The following PDE1C variants were observed in gnomAD, a reference collection of about 807,000 sequenced individuals.
PDE1C encodes the protein phosphodiesterase 1C.
A neutral mutation model predicts 93.1 loss-of-function variants in PDE1C; 62 were observed. That is an observed-to-expected ratio of 0.67 (90% CI 0.54 to 0.82). The LOEUF (loss-of-function observed/expected upper bound fraction) is 0.82. PDE1C is among the 40% of genes least tolerant of loss of function. PDE1C has a pLI of 0.00. For synonymous variants in PDE1C, 325 were observed against 310.1 expected (o/e 1.05, Z -0.50); for missense variants, 742 against 884.6 (o/e 0.84, Z 2.04).
At chr7:32,312,469 C>G (rs1408728019) in intron 1 of PDE1C, among the ~76,000 whole-genome samples, 1 of 152,188 alleles carries the variant, frequency 6.6e-6, no homozygotes, top group Non-Finnish European at 1.5e-5. Context: ...ACCAAAAGAA[C>G]AAAGCCAGAG....
chr7:32,378,318 A>G (rs1460437568), intron 1 of PDE1C, among the ~76,000 whole-genome samples: 1 of 152,196 alleles, frequency 6.6e-6, no homozygotes, highest in African/African-American at 2.4e-5. Context: ...TTGTATCAGT[A>G]GATACAATGG....
chr7:32,413,954 T>C (rs1181971167), intron 1 of PDE1C, among the ~76,000 whole-genome samples: 2 of 152,106 alleles, frequency 1.3e-5, no homozygotes, highest in Non-Finnish European at 2.9e-5. Context: ...GGTTCATGCC[T>C]GTAATCCCAG....
chr7:31,760,850 A>ATT (rs1794789590), intron 17 of PDE1C, among the ~76,000 whole-genome samples: 1 of 152,022 alleles, frequency 6.6e-6, no homozygotes, highest in Non-Finnish European at 1.5e-5. Flanking sequence ...TGCCACTTAA[A>ATT]TGTTATTTTA....
chr7:31,822,162 C>T (rs2128735965), intron 14 of PDE1C, among the ~76,000 whole-genome samples: 1 of 152,062 alleles, frequency 6.6e-6, no homozygotes, highest in Middle Eastern at 3.4e-3. Context: ...ATCTCTGTAC[C>T]CTGGGCACCG....
intron 3 of PDE1C, among the ~76,000 whole-genome samples, chr7:32,163,725 T>A (rs1802055605): frequency 6.6e-6 from 1 of 152,090 alleles, no homozygotes; most frequent in South Asian, 2.1e-4. Flanking sequence ...ATGCACTGAG[T>A]GGCTTCAGAA....
the PDE1C span, among the ~76,000 whole-genome samples, chr7:31,741,384 T>C: frequency 1.3e-5 from 2 of 152,256 alleles, no homozygotes; most frequent in East Asian, 1.9e-4. Context: ...ATATTTTTAA[T>C]CTTTAACTGT....
At chr7:31,898,044 G>T (rs933893209) in intron 2 of PDE1C, among the ~76,000 whole-genome samples, 19 of 150,902 alleles carry the variant, frequency 1.3e-4, no homozygotes, top group African/African-American at 4.7e-4. Context: ...GTGTGTGTGT[G>T]TGTGTGTGTG....
intron 2 of PDE1C, among the ~76,000 whole-genome samples, chr7:32,208,988 TTGAA>T (rs1166707929): frequency 1.3e-5 from 2 of 152,300 alleles, no homozygotes; most frequent in African/African-American, 4.8e-5. Flanking sequence ...TAAGTCCACT[TTGAA>T]TGGTGATGAT....
At chr7:31,898,079 G>A (rs1413253173) in intron 2 of PDE1C, among the ~76,000 whole-genome samples, 1 of 151,416 alleles carries the variant, frequency 6.6e-6, no homozygotes, top group Non-Finnish European at 1.5e-5. Flanking sequence ...ACTGAAAAAT[G>A]TGAGATACAA....
intron 3 of PDE1C, among the ~76,000 whole-genome samples, chr7:32,088,251 A>C (rs115823737): frequency 0.011 from 1,692 of 152,334 alleles, 42 homozygotes; most frequent in African/African-American, 0.038. Flanking sequence ...ATTTCAAGGC[A>C]AAAAGACTTC....
intron 1 of PDE1C, among the ~76,000 whole-genome samples, chr7:32,212,810 G>A (rs151090196): frequency 7.4e-4 from 113 of 152,156 alleles, no homozygotes; most frequent in African/African-American, 2.5e-3. Context: ...GCCCATATGC[G>A]TAACTCCCCT....
At chr7:32,217,758 G>A in intron 1 of PDE1C, among the ~76,000 whole-genome samples, 1 of 152,160 alleles carries the variant, frequency 6.6e-6, no homozygotes, top group Non-Finnish European at 1.5e-5. Context: ...AAAGGTAACT[G>A]ACTTCATTCA....
At chr7:31,658,909 G>T in the PDE1C span, among the ~76,000 whole-genome samples, 1 of 152,198 alleles carries the variant, frequency 6.6e-6, no homozygotes, top group Non-Finnish European at 1.5e-5. Context: ...AAAACTCAGA[G>T]CCAAACCTTA....
chr7:32,018,378 A>C (rs907567502), intron 2 of PDE1C, among the ~76,000 whole-genome samples: 1 of 152,188 alleles, frequency 6.6e-6, no homozygotes, highest in Admixed American at 6.5e-5. Flanking sequence ...AAGAATGTTC[A>C]CAGCAACATT....
intron 1 of PDE1C, among the ~76,000 whole-genome samples, chr7:32,269,531 G>C (rs1297808054): frequency 6.6e-6 from 1 of 152,132 alleles, no homozygotes; most frequent in African/African-American, 2.4e-5. Context: ...CCAGGCAAGA[G>C]TTCAGTGGCA....
chr7:31,845,513 C>T (rs1792451863), intron 9 of PDE1C, among the ~76,000 whole-genome samples: 1 of 152,002 alleles, frequency 6.6e-6, no homozygotes, highest in Non-Finnish European at 1.5e-5. Flanking sequence ...AAACATCACA[C>T]ACTGGGGCTT....
intron 2 of PDE1C, among the ~76,000 whole-genome samples, chr7:31,901,135 CAAA>C (rs57467525): frequency 7.5e-4 from 96 of 128,682 alleles, no homozygotes; most frequent in African/African-American, 2.5e-3. Flanking sequence ...GCATTATTTA[CAAA>C]AAAAAAAAAA....
At chr7:31,879,784 C>T (rs1022359587) in intron 3 of PDE1C, among the ~76,000 whole-genome samples, 7 of 152,102 alleles carry the variant, frequency 4.6e-5, no homozygotes, top group African/African-American at 2.4e-5. Flanking sequence ...GTTCATAGGT[C>T]AGACCACTAG....
At chr7:31,780,388 C>T (rs1432641859) in intron 16 of PDE1C, among the ~76,000 whole-genome samples, 1 of 152,124 alleles carries the variant, frequency 6.6e-6, no homozygotes, top group Non-Finnish European at 1.5e-5. Context: ...TGGCATAATG[C>T]TAGGAATCAG....
Sources: allele counts gnomAD v4.1 joint callset (sites outside exome capture counted in the v4.1 genomes callset), GRCh38; gene constraint gnomAD v4.1.1; transcripts MANE v1.5; gene names NCBI Gene and HGNC (gene_info 2026-07-23, HGNC 2026-07-21).